FGF14: variants seen among roughly 807,000 people sequenced by gnomAD.
FGF14 encodes fibroblast growth factor 14.
A neutral mutation model predicts 25.5 loss-of-function variants in FGF14; 5 were observed. The ratio of observed to expected loss-of-function variants is 0.20; its 90% CI spans 0.10 to 0.41. The LOEUF is 0.41. Ranked by LOEUF, FGF14 falls within the 10% of genes least tolerant of loss-of-function variation. The pLI, the probability that FGF14 is intolerant of heterozygous loss-of-function variation, is 1.00. For missense variants in FGF14, 222 were observed against 320.1 expected (o/e 0.69, Z 2.34); for synonymous variants, 138 against 118.3 (o/e 1.17, Z -1.08).
intron 1 of FGF14, among the ~76,000 whole-genome samples, chr13:102,236,738 T>TGTTTTCTTG (rs1331086466): frequency 1.3e-5 from 2 of 152,146 alleles, no homozygotes. Context: ...CAAGTAAGCG[T>TGTTTTCTTG]GTTTTCTTGC....
intron 1 of FGF14, among the ~76,000 whole-genome samples, chr13:102,288,451 T>C (rs1383296015): frequency 6.6e-6 from 1 of 152,200 alleles, no homozygotes; most frequent in African/African-American, 2.4e-5. Flanking sequence ...ATTATTCCCA[T>C]AAATTTTAAA....
chr13:102,154,856 T>G (rs983488448), intron 1 of FGF14, among the ~76,000 whole-genome samples: 1 of 149,050 alleles, frequency 6.7e-6, no homozygotes, highest in African/African-American at 2.5e-5. Flanking sequence ...AGGCAGGGGT[T>G]GCAATCCTAG....
At chr13:102,187,366 T>C (rs558011117) in intron 1 of FGF14, among the ~76,000 whole-genome samples, 1 of 152,208 alleles carries the variant, frequency 6.6e-6, no homozygotes, top group East Asian at 1.9e-4. Flanking sequence ...CTGCTATTGA[T>C]AACATGACCT....
At chr13:101,723,190 T>C (rs1453708248) in intron 4 of FGF14, 11 of 566,496 alleles carry the variant, frequency 1.9e-5, no homozygotes, top group Middle Eastern at 4.9e-4. Context: ...AAAATATGTA[T>C]ATGAGTGTGC....
At chr13:102,207,061 C>A (rs1268343656) in intron 1 of FGF14, among the ~76,000 whole-genome samples, 1 of 152,062 alleles carries the variant, frequency 6.6e-6, no homozygotes, top group Non-Finnish European at 1.5e-5. Flanking sequence ...GTAGGCAGAT[C>A]GTGAGGCCAA....
At chr13:102,244,799 T>C (rs1287866655) in intron 1 of FGF14, among the ~76,000 whole-genome samples, 1 of 152,020 alleles carries the variant, frequency 6.6e-6, no homozygotes, top group Non-Finnish European at 1.5e-5. Flanking sequence ...GTGGATGGCC[T>C]CTTGTATCCT....
chr13:102,227,342 A>G (rs2050869852), intron 1 of FGF14, among the ~76,000 whole-genome samples: 1 of 152,094 alleles, frequency 6.6e-6, no homozygotes. Context: ...CAATGCTTAA[A>G]TGTCTCATCT....
At chr13:102,329,036 T>C (rs1019954509) in intron 1 of FGF14, among the ~76,000 whole-genome samples, 1 of 152,158 alleles carries the variant, frequency 6.6e-6, no homozygotes, top group African/African-American at 2.4e-5. Context: ...TCTCAGACTG[T>C]CACCCCATAT....
chr13:102,378,235 T>C (rs189270311), intron 1 of FGF14, among the ~76,000 whole-genome samples: 1 of 152,070 alleles, frequency 6.6e-6, no homozygotes. Context: ...ACTCATCAGG[T>C]GTAACAAATG....
chr13:101,971,521 C>A (rs1157701994), intron 1 of FGF14, among the ~76,000 whole-genome samples: 1 of 152,082 alleles, frequency 6.6e-6, no homozygotes, highest in African/African-American at 2.4e-5. Flanking sequence ...TAGGCAAGCA[C>A]CACCATGCCT....
rs1270116569 is a variant in FGF14 at position 101,720,960 on chromosome 13, G to GAATTTTTTAATGC, written c.*1858_*1870dup. 59 of 152,214 alleles carry GAATTTTTTAATGC rather than the reference G, an allele frequency of 3.9e-4. No homozygotes were observed. The highest frequency in any genetic ancestry group is 1.3e-3 in the African/African-American group (54 of 41,558). 9.4% of individuals were successfully genotyped at this position (152,214 alleles called of 1,614,324 possible). On this transcript the variant is annotated 3_prime_UTR_variant, in exon 5 of 5. Coordinates refer to ENST00000376143, the MANE Select transcript of FGF14 (RefSeq NM_004115.4). The stretch of plus-strand genomic sequence containing the variant: ...AACCTTTAATCAGCTAAGCAGGCCA[G>GAATTTTTTAATGC]AATTTTTTAATGCTGGGCAAGGGCT...
intron 3 of FGF14, among the ~76,000 whole-genome samples, chr13:101,831,753 C>T (rs1166704748): frequency 1.3e-5 from 2 of 152,042 alleles, no homozygotes; most frequent in Non-Finnish European, 2.9e-5. Flanking sequence ...AGATCAATTC[C>T]TGGCTTAAAA....
chr13:102,143,789 C>T (rs955008546), intron 1 of FGF14, among the ~76,000 whole-genome samples: 4 of 152,026 alleles, frequency 2.6e-5, no homozygotes, highest in African/African-American at 4.8e-5. Context: ...AAATTAAAAC[C>T]GTTGCTTCCT....
intron 1 of FGF14, among the ~76,000 whole-genome samples, chr13:102,077,945 T>C (rs1214325999): frequency 6.6e-6 from 1 of 152,186 alleles, no homozygotes. Context: ...CAATGGAGTA[T>C]TATTAAGCCT....
chr13:102,100,542 C>A (rs1307941456), intron 1 of FGF14, among the ~76,000 whole-genome samples: 1 of 152,154 alleles, frequency 6.6e-6, no homozygotes, highest in Admixed American at 6.6e-5. Context: ...ATATCAGTGA[C>A]CAATGATCAG....
At chr13:101,883,353 A>G (rs2045816755) in intron 1 of FGF14, among the ~76,000 whole-genome samples, 1 of 152,246 alleles carries the variant, frequency 6.6e-6, no homozygotes, top group Non-Finnish European at 1.5e-5. Context: ...CCACAGAAAT[A>G]CAACATTTTA....
intron 3 of FGF14, among the ~76,000 whole-genome samples, chr13:101,755,462 CT>C: frequency 6.6e-6 from 1 of 152,152 alleles, no homozygotes; most frequent in East Asian, 1.9e-4. Context: ...GATCACACCG[CT>C]GCACTCCAGG....
intron 1 of FGF14, among the ~76,000 whole-genome samples, chr13:102,052,534 GA>G (rs891578772): frequency 2.0e-5 from 3 of 149,782 alleles, no homozygotes. Flanking sequence ...AGTAACAAGA[GA>G]AAAAAAAGCA....
intron 3 of FGF14, among the ~76,000 whole-genome samples, chr13:101,807,216 C>T (rs980109250): frequency 4.6e-5 from 7 of 152,202 alleles, no homozygotes; most frequent in Non-Finnish European, 1.0e-4. Flanking sequence ...CTATCAGTTT[C>T]TGGACATAAT....
Sources: allele counts gnomAD v4.1 joint callset (sites outside exome capture counted in the v4.1 genomes callset), GRCh38; gene constraint gnomAD v4.1.1; transcripts MANE v1.5; gene names NCBI Gene and HGNC (gene_info 2026-07-23, HGNC 2026-07-21).